CLVS2: variants seen among roughly 807,000 people sequenced by gnomAD.
The protein encoded by CLVS2 is clavesin-2.
In CLVS2, 19 loss-of-function variants were observed where a neutral mutation model predicts 29.0. That is an observed-to-expected ratio of 0.66 (90% CI 0.46 to 0.96). The LOEUF (loss-of-function observed/expected upper bound fraction) is 0.96, where lower values mean the gene tolerates loss of function less well. Ranked by LOEUF, CLVS2 falls within the 40% of genes least tolerant of loss-of-function variation. The pLI is 0.00. For synonymous variants in CLVS2, 161 were observed against 151.3 expected, an observed-to-expected ratio of 1.06 and a Z score of -0.47; for missense variants, 294 against 404.1, an observed-to-expected ratio of 0.73 and a Z score of 2.34.
Position 122,997,582 on chromosome 6 carries a change from G to GCCC in CLVS2, c.-191_-189dup. The stretch of plus-strand genomic sequence containing the variant: ...CAGAGGAAGAAGTTTACACCCCCCG[G>GCCC]CCCCCCCAGCTTTGCTGGGGGAAAG... On this transcript the variant is annotated 5_prime_UTR_variant, in exon 2 of 6. Coordinates refer to ENST00000275162, the MANE Select transcript of CLVS2 (RefSeq NM_001010852.4). 1.6e-6 allele frequency: 1 copy of GCCC among 610,906 alleles called. No homozygotes were observed. The highest frequency in any genetic ancestry group is 2.9e-6 in the Non-Finnish European group (1 of 342,898). 37.8% of individuals were successfully genotyped at this position (610,906 alleles called of 1,614,324 possible).
intron 3 of CLVS2, among the ~76,000 whole-genome samples, chr6:123,030,849 TACAC>T (rs1482282386): frequency 1.4e-5 from 2 of 147,824 alleles, no homozygotes; most frequent in Admixed American, 6.8e-5. Flanking sequence ...TATATATATA[TACAC>T]ACACATATAT....
intron 2 of CLVS2, among the ~76,000 whole-genome samples, chr6:123,002,151 AAC>A (rs1423403438): frequency 6.6e-5 from 10 of 152,334 alleles, no homozygotes; most frequent in South Asian, 6.2e-4. Context: ...TTCGAAAACA[AAC>A]ACAGTTAGAA....
At position 123,058,264 on chromosome 6, in the gene CLVS2, T is replaced by G. The variant is rs566662372; in HGVS notation, c.896+2238T>G. On this transcript the variant is annotated intron_variant, in intron 5 of 5. Coordinates refer to ENST00000275162, the MANE Select transcript of CLVS2 (RefSeq NM_001010852.4). ...GGGCTCCACTGCATGAGATGTGGAG[T>G]CTTTCACACCACTGACATAAAGCCT... 3.3e-5 allele frequency among the ~76,000 whole-genome samples: 5 copies of G among 151,952 alleles called. No homozygotes were observed. The South Asian group carries it at 1.0e-3, about 32-fold the overall frequency.
intron 2 of CLVS2, among the ~76,000 whole-genome samples, chr6:123,002,490 A>G (rs1419115460): frequency 6.6e-6 from 1 of 152,128 alleles, no homozygotes; most frequent in Non-Finnish European, 1.5e-5. Context: ...GGTTATGGTG[A>G]TGATAACTTA....
intron 3 of CLVS2, among the ~76,000 whole-genome samples, chr6:123,046,956 A>C (rs549946666): frequency 1.3e-5 from 2 of 152,278 alleles, no homozygotes; most frequent in East Asian, 3.9e-4. Flanking sequence ...TCTTAACTAC[A>C]GGAACCTAGA....
intron 5 of CLVS2, among the ~76,000 whole-genome samples, chr6:123,056,467 A>T (rs1371288468): frequency 2.0e-5 from 3 of 152,166 alleles, no homozygotes; most frequent in Admixed American, 1.3e-4. Context: ...ATATAAGTGA[A>T]ATCATGCAGT....
chr6:123,003,162 G>A (rs547509154), intron 2 of CLVS2, among the ~76,000 whole-genome samples: 3 of 152,146 alleles, frequency 2.0e-5, no homozygotes, highest in South Asian at 2.1e-4. Flanking sequence ...AAATAATCCC[G>A]AAATAACAGC....
chr6:123,049,807 G>GC (rs1554203171), intron 4 of CLVS2, among the ~76,000 whole-genome samples: 1 of 143,304 alleles, frequency 7.0e-6, no homozygotes, highest in Non-Finnish European at 1.5e-5. Flanking sequence ...TGTGGGATGG[G>GC]GGGCGGGGAG....
intron 3 of CLVS2, among the ~76,000 whole-genome samples, chr6:123,013,463 T>TA (rs1004672702): frequency 2.0e-5 from 3 of 150,722 alleles, no homozygotes; most frequent in Non-Finnish European, 3.0e-5. Flanking sequence ...TAGAAAAACA[T>TA]AAAAAAAAAT....
intron 2 of CLVS2, among the ~76,000 whole-genome samples, chr6:123,006,867 A>G (rs1454103464): frequency 6.6e-6 from 1 of 152,176 alleles, no homozygotes; most frequent in Non-Finnish European, 1.5e-5. Context: ...AGGAGATACT[A>G]TATGATGACA....
rs1772914406 is a variant in CLVS2, at chr6:123,069,770, C to G, written c.*6009C>G. ...GAAAATATTTTCTACTCGAAGAGGC[C>G]ATGGGGAAGTGATGGTCAAATCTCT... On this transcript the variant is annotated 3_prime_UTR_variant, in exon 6 of 6. Transcript: ENST00000275162. 6.6e-6 allele frequency: 1 copy of G among 151,730 alleles called. No individual in the cohort carries two copies. The highest frequency in any genetic ancestry group is 2.1e-4 in the South Asian group (1 of 4,826). 9.4% of individuals were successfully genotyped at this position (151,730 alleles called of 1,614,324 possible). A position where few individuals can be genotyped will look rare whatever the true frequency, so the allele number is the denominator to read the frequency against.
intron 3 of CLVS2, among the ~76,000 whole-genome samples, chr6:123,013,996 A>AT (rs1774789567): frequency 1.3e-5 from 2 of 152,170 alleles, no homozygotes; most frequent in East Asian, 1.9e-4. Flanking sequence ...TGAACTCATC[A>AT]TTTTTTATGG....
rs376104695 is a variant in CLVS2, at chr6:123,040,985, A to G, written c.565-7637A>G. 1.7e-4 allele frequency among the ~76,000 whole-genome samples: 26 copies of G among 152,270 alleles called. 1 individual carries two copies. The East Asian group carries it at 2.1e-3, about 12-fold the overall frequency. The stretch of plus-strand genomic sequence containing the variant: ...ACAAAACTCTCATTTTTCCATAGGC[A>G]GGTGACAGTTGTGTGCTATCTTGTA... On this transcript the variant is annotated intron_variant, in intron 3 of 5. Transcript: ENST00000275162.
Position 123,071,234 on chromosome 6 carries a change from G to A in CLVS2, c.*7473G>A, listed in dbSNP as rs1042126945. ...AATTTGTTTCAGCAAGTTATGTAAC[G>A]GCCAATAGTATGAATTGAAAGAGTT... On this transcript the variant is annotated 3_prime_UTR_variant, in exon 6 of 6. Coordinates refer to ENST00000275162, the MANE Select transcript of CLVS2 (RefSeq NM_001010852.4). 2 of 151,874 alleles carry A rather than the reference G, an allele frequency of 1.3e-5. No homozygotes were observed. Among genetic ancestry groups the A allele is most frequent in the South Asian group, 4.2e-4 (2 of 4,804 alleles). 9.4% of individuals were successfully genotyped at this position (151,874 alleles called of 1,614,324 possible). A position where few individuals can be genotyped will look rare whatever the true frequency, so the allele number is the denominator to read the frequency against.
At chr6:123,008,973 A>G (rs907010551) in intron 2 of CLVS2, among the ~76,000 whole-genome samples, 9 of 152,058 alleles carry the variant, frequency 5.9e-5, no homozygotes, top group Non-Finnish European at 7.4e-5. Context: ...TTTGCCTTTT[A>G]TAATACTAAT....
chr6:123,012,450 T>G (rs1774762683), intron 3 of CLVS2, among the ~76,000 whole-genome samples: 1 of 151,900 alleles, frequency 6.6e-6, no homozygotes, highest in Admixed American at 6.6e-5. Context: ...AGGCTAGGCC[T>G]TCAGCTCCTG....
At position 123,028,850 on chromosome 6, in the gene CLVS2, C is replaced by T. The variant is rs545466737; in HGVS notation, c.564+17691C>T. On this transcript the variant is annotated intron_variant, in intron 3 of 5. Coordinates refer to ENST00000275162, the MANE Select transcript of CLVS2 (RefSeq NM_001010852.4). ...TATTATTCACCTTCTAAACTCGCAA[C>T]ATTTTGTCAGTTTATCGTCAATGCT... is the stretch of plus-strand genomic sequence containing the variant. Among the ~76,000 whole-genome samples, 70 of 152,266 alleles carry T rather than the reference C, an allele frequency of 4.6e-4. 1 individual carries two copies. Among genetic ancestry groups the T allele is most frequent in the African/African-American group, 1.6e-3 (68 of 41,534 alleles).
At chr6:123,034,474 G>A (rs1263943095) in intron 3 of CLVS2, among the ~76,000 whole-genome samples, 2 of 152,102 alleles carry the variant, frequency 1.3e-5, no homozygotes, top group African/African-American at 4.8e-5. Context: ...TCAAAAGGCA[G>A]CATACTGTAT....
At chr6:122,996,990 T>C (rs1774519014) in intron 1 of CLVS2, among the ~76,000 whole-genome samples, 1 of 151,404 alleles carries the variant, frequency 6.6e-6, no homozygotes, top group African/African-American at 2.4e-5. Flanking sequence ...CCCACGCTGG[T>C]ACCAACGCCA....
Sources: allele counts gnomAD v4.1 joint callset (sites outside exome capture counted in the v4.1 genomes callset), GRCh38; gene constraint gnomAD v4.1.1; transcripts MANE v1.5; gene names NCBI Gene and HGNC (gene_info 2026-07-23, HGNC 2026-07-21).